The following SORBS2 variants were observed in gnomAD, a reference collection of about 807,000 sequenced individuals.
The protein encoded by SORBS2 is sorbin and SH3 domain-containing protein 2.
Under a neutral mutation model 97.7 loss-of-function variants are expected in SORBS2, and 46 were observed. That is an observed-to-expected ratio of 0.47 (90% CI 0.37 to 0.60). The LOEUF (loss-of-function observed/expected upper bound fraction) is 0.60. SORBS2 is among the 20% of genes least tolerant of loss of function. The pLI is 0.00. For synonymous variants in SORBS2, 476 were observed against 473.4 expected (o/e 1.01, Z -0.07); for missense variants, 1,316 against 1,282.3 (o/e 1.03, Z -0.40).
At chr4:185,707,221 G>T (rs1180880987) in intron 2 of SORBS2, among the ~76,000 whole-genome samples, 2 of 152,136 alleles carry the variant, frequency 1.3e-5, no homozygotes, top group Non-Finnish European at 2.9e-5. Context: ...TTACTGCAAA[G>T]AAACGCCAAA....
intron 1 of SORBS2, among the ~76,000 whole-genome samples, chr4:185,819,205 A>G (rs2099195201): frequency 6.6e-6 from 1 of 152,216 alleles, no homozygotes; most frequent in African/African-American, 2.4e-5. Flanking sequence ...AAGGAGTTCT[A>G]GGCTAGTAGA....
chr4:185,800,810 T>G (rs184550189), intron 1 of SORBS2, among the ~76,000 whole-genome samples: 71 of 152,342 alleles, frequency 4.7e-4, no homozygotes, highest in African/African-American at 1.7e-3. Flanking sequence ...TGCAGACATT[T>G]AAGGTGAACC....
At chr4:185,587,531 G>T in exon 15 of SORBS2, 2 of 1,041,820 alleles carry the variant, frequency 1.9e-6, no homozygotes, top group Non-Finnish European at 3.0e-6. Flanking sequence ...ATTGGAAACC[G>T]TAAGGCATGA....
intron 1 of SORBS2, among the ~76,000 whole-genome samples, chr4:185,834,791 T>C (rs1213302672): frequency 3.9e-5 from 6 of 152,232 alleles, no homozygotes; most frequent in African/African-American, 1.4e-4. Context: ...TGCTAGCCCC[T>C]ACACTATTGT....
At chr4:185,806,235 C>G (rs1464967031) in intron 1 of SORBS2, among the ~76,000 whole-genome samples, 1 of 152,134 alleles carries the variant, frequency 6.6e-6, no homozygotes, top group African/African-American at 2.4e-5. Context: ...CTGTCCTCAG[C>G]GAGAAGTAAG....
intron 4 of SORBS2, among the ~76,000 whole-genome samples, chr4:185,672,536 C>T (rs2097728319): frequency 6.6e-6 from 1 of 152,202 alleles, no homozygotes; most frequent in Non-Finnish European, 1.5e-5. Flanking sequence ...GATAACATGC[C>T]TCATTTCTGG....
chr4:185,622,544 C>A (rs2096735054), intron 7 of SORBS2, among the ~76,000 whole-genome samples: 1 of 152,136 alleles, frequency 6.6e-6, no homozygotes, highest in Admixed American at 6.5e-5. Context: ...TTAATATAAA[C>A]ATTTTTAAAA....
chr4:185,665,139 A>G (rs897501651), intron 4 of SORBS2, among the ~76,000 whole-genome samples: 2 of 152,242 alleles, frequency 1.3e-5, no homozygotes, highest in Non-Finnish European at 2.9e-5. Context: ...GAAATGGCTC[A>G]GGAAGAATAA....
At chr4:185,824,065 T>C (rs895396307) in intron 1 of SORBS2, among the ~76,000 whole-genome samples, 25 of 152,178 alleles carry the variant, frequency 1.6e-4, no homozygotes, top group African/African-American at 5.3e-4. Context: ...TTACTGCATT[T>C]GCTCCCTGGA....
intron 2 of SORBS2, among the ~76,000 whole-genome samples, chr4:185,692,360 T>C (rs988213051): frequency 2.0e-5 from 3 of 152,234 alleles, no homozygotes; most frequent in Non-Finnish European, 2.9e-5. Context: ...TGAGGATAAA[T>C]TTGAAATGAA....
intron 6 of SORBS2, among the ~76,000 whole-genome samples, chr4:185,626,529 A>G (rs1462250471): frequency 6.6e-6 from 1 of 152,248 alleles, no homozygotes; most frequent in African/African-American, 2.4e-5. Flanking sequence ...CAATGTTTAC[A>G]AAATACATCT....
intron 2 of SORBS2, among the ~76,000 whole-genome samples, chr4:185,745,373 G>A (rs1335709478): frequency 1.3e-5 from 2 of 152,042 alleles, no homozygotes; most frequent in African/African-American, 4.8e-5. Context: ...AATTTTTGGC[G>A]TTCATATTTT....
rs182063838 is a variant in SORBS2 at position 185,595,113 on chromosome 4, T to C, written c.2797-1178A>G. On this transcript the variant is annotated intron_variant, in intron 12 of 14. Coordinates refer to ENST00000418609, the Ensembl canonical transcript of SORBS2. Reference sequence around the variant, plus strand: ...GTCAATGATTCACCCACTTCCTAAATTCTTTATCCACCCCCTTTCTATCCT... The same window carrying C: ...GTCAATGATTCACCCACTTCCTAAACTCTTTATCCACCCCCTTTCTATCCT... 1.9e-3 allele frequency among the ~76,000 whole-genome samples: 283 copies of C among 152,284 alleles called. 1 individual carries two copies. The highest frequency in any genetic ancestry group is 2.8e-3 in the Non-Finnish European group (192 of 68,000).
chr4:185,940,797 G>A (rs1579598029), intron 1 of SORBS2, among the ~76,000 whole-genome samples: 1 of 152,304 alleles, frequency 6.6e-6, no homozygotes, highest in Non-Finnish European at 1.5e-5. Flanking sequence ...TCATTCAGGA[G>A]TCTGTTCCTG....
chr4:185,747,923 G>A lies in SORBS2; in HGVS notation c.-198+27304C>T, dbSNP rs1202981505. Reference sequence around the variant, plus strand: ...GGAGAATCACTTGAACCCAGGAGGCGGAGGTTGCAGTGAGCTGAGACCGTA... The same window carrying A: ...GGAGAATCACTTGAACCCAGGAGGCAGAGGTTGCAGTGAGCTGAGACCGTA... On this transcript the variant is annotated intron_variant, in intron 2 of 20. Coordinates refer to the SORBS2 transcript ENST00000284776. Among the ~76,000 whole-genome samples, 4 of 152,032 alleles carry A rather than the reference G, an allele frequency of 2.6e-5. No individual in the cohort carries two copies. In the East Asian group the frequency reaches 5.8e-4, roughly 22 times the overall value.
intron 1 of SORBS2, chr4:185,656,534 T>C: frequency 9.9e-7 from 1 of 1,009,380 alleles, no homozygotes; most frequent in Non-Finnish European, 1.5e-6. Context: ...GAGCAGCTCT[T>C]GGCCACACCC....
At chr4:185,849,474 A>T (rs1579180676) in intron 1 of SORBS2, among the ~76,000 whole-genome samples, 1 of 147,134 alleles carries the variant, frequency 6.8e-6, no homozygotes. Context: ...TCTCCCTGCC[A>T]TTTTTTTTTT....
chr4:185,610,423 A>G (rs2096515247), intron 12 of SORBS2, among the ~76,000 whole-genome samples: 1 of 83,766 alleles, frequency 1.2e-5, no homozygotes, highest in Non-Finnish European at 2.2e-5. Context: ...AAGATTCTGG[A>G]AAACTATAAC....
chr4:185,675,154 G>A (rs543091352), intron 4 of SORBS2: 1 of 152,318 alleles, frequency 6.6e-6, no homozygotes, highest in South Asian at 2.1e-4. Flanking sequence ...TCTCTGCGCA[G>A]CCTGGATAAA....
Sources: allele counts gnomAD v4.1 joint callset (sites outside exome capture counted in the v4.1 genomes callset), GRCh38; gene constraint gnomAD v4.1.1; transcripts MANE v1.5; gene names NCBI Gene and HGNC (gene_info 2026-07-23, HGNC 2026-07-21).